Variants in SV2B observed in about 807,000 individuals in gnomAD.
The protein encoded by SV2B is synaptic vesicle glycoprotein 2B, also known as solute carrier family 22 member B2.
In SV2B, 41 loss-of-function variants were observed where a neutral mutation model predicts 73.9. That is an observed-to-expected ratio of 0.56 (90% CI 0.43 to 0.72). The LOEUF (loss-of-function observed/expected upper bound fraction) is 0.72, where lower values mean the gene tolerates loss of function less well. SV2B is among the 30% of genes least tolerant of loss of function. SV2B has a pLI of 0.00. For synonymous variants in SV2B, 314 were observed against 314.2 expected, an observed-to-expected ratio of 1.00 and a Z score of 0.01; for missense variants, 764 against 857.8, an observed-to-expected ratio of 0.89 and a Z score of 1.37.
In SV2B at chr15:91,197,916, C is replaced by G. The variant is rs2045309613; in HGVS notation, c.-391-27957C>G. Reference sequence around the variant, plus strand: ...AGGCATGGTGGGGGACCCGTGTAATCCCAGCTACTTGGCAGGCTGAAGCAG... The same window carrying G: ...AGGCATGGTGGGGGACCCGTGTAATGCCAGCTACTTGGCAGGCTGAAGCAG... On this transcript the variant is annotated intron_variant, in intron 1 of 12. Transcript: ENST00000394232. This position sits in a 1 kb window ranked among gnomAD's most constrained non-coding sequence, Gnocchi z 4.9. 6.6e-6 allele frequency among the ~76,000 whole-genome samples: 1 copy of G among 152,056 alleles called. No individual in the cohort carries two copies. The highest frequency in any genetic ancestry group is 1.5e-5 in the Non-Finnish European group (1 of 68,014).
At chr15:91,260,661 A>G (rs8040924) in intron 6 of SV2B, among the ~76,000 whole-genome samples, 10,730 of 152,136 alleles carry the variant, frequency 0.071, 685 homozygotes, top group African/African-American at 0.17. Context: ...AGCACTTTGG[A>G]AGGCTGTATT....
chr15:91,255,629 TAAA>T (rs2047660827), intron 4 of SV2B, among the ~76,000 whole-genome samples: 2 of 152,110 alleles, frequency 1.3e-5, no homozygotes, highest in Admixed American at 1.3e-4. Context: ...AATAAAAAAT[TAAA>T]AAAATTATTT....
chr15:91,201,579 C>T (rs2045462066), intron 1 of SV2B, among the ~76,000 whole-genome samples: 2 of 152,200 alleles, frequency 1.3e-5, no homozygotes, highest in East Asian at 3.9e-4. Context: ...TTCCATGACT[C>T]CCTATCTCCT....
At chr15:91,266,982 T>C (rs575828214) in intron 7 of SV2B, 5 of 258,498 alleles carry the variant, frequency 1.9e-5, no homozygotes, top group Non-Finnish European at 1.4e-5. Flanking sequence ...CATTATTCTC[T>C]CTAGCAAATT....
intron 9 of SV2B, among the ~76,000 whole-genome samples, chr15:91,278,678 CAAA>C (rs746732650): frequency 7.1e-5 from 3 of 42,442 alleles, no homozygotes; most frequent in Non-Finnish European, 8.6e-5. Flanking sequence ...GACTCCGTCT[CAAA>C]AAAAAAAAAA....
chr15:91,190,596 CT>C (rs886738555), intron 1 of SV2B, among the ~76,000 whole-genome samples: 1 of 152,102 alleles, frequency 6.6e-6, no homozygotes, highest in Non-Finnish European at 1.5e-5. Flanking sequence ...TTTGTTTCTT[CT>C]TTCTGCCAAA....
At chr15:91,116,197 G>A (rs1479382907) in intron 1 of SV2B, among the ~76,000 whole-genome samples, 2 of 152,122 alleles carry the variant, frequency 1.3e-5, no homozygotes, top group Non-Finnish European at 2.9e-5. Flanking sequence ...GGAAGTTGAA[G>A]AGTAAAAAAT....
At chr15:91,159,909 C>T (rs1032378509) in intron 1 of SV2B, among the ~76,000 whole-genome samples, 3 of 151,872 alleles carry the variant, frequency 2.0e-5, no homozygotes, top group East Asian at 1.9e-4. Flanking sequence ...AAGATGAATA[C>T]ACAAAAATAA....
Position 91,252,542 on chromosome 15 carries a change from C to A in SV2B, c.784+22C>A. ...TATGGTGAGTCATGGCTCCAAACAG[C>A]CTAGGGGGCCCTGTTTCTATGGCTC... is the stretch of plus-strand genomic sequence containing the variant. On this transcript the variant is annotated intron_variant, in intron 4 of 12. Transcript: ENST00000394232. The surrounding 1 kb of genome is among the most constrained non-coding windows in gnomAD (Gnocchi z 4.6). The A allele has an allele frequency of 6.4e-7, 1 of 1,562,540 alleles. No homozygotes were observed. The highest frequency in any genetic ancestry group is 8.7e-7 in the Non-Finnish European group (1 of 1,153,730).
Position 91,252,227 on chromosome 15 carries a change from G to T in SV2B, c.633-142G>T. 8.1e-7 allele frequency: 1 copy of T among 1,229,834 alleles called. No homozygotes were observed. The highest frequency in any genetic ancestry group is 1.5e-5 in the South Asian group (1 of 66,894). The allele number at this position is 1,229,834 out of a possible 1,614,324, so 76.2% of individuals were successfully genotyped here. A position where few individuals can be genotyped will look rare whatever the true frequency, so the allele number is the denominator to read the frequency against. ...TCCAAGACTGCTTCCCACATGTAGA[G>T]AGGAACTAACTGGCCGGTCTCTCAA... is the stretch of plus-strand genomic sequence containing the variant. On this transcript the variant is annotated intron_variant, in intron 3 of 12. Transcript: ENST00000394232. This position sits in a 1 kb window ranked among gnomAD's most constrained non-coding sequence, Gnocchi z 4.6.
intron 2 of SV2B, among the ~76,000 whole-genome samples, chr15:91,237,769 A>G (rs1401403989): frequency 1.3e-5 from 2 of 152,190 alleles, no homozygotes; most frequent in Non-Finnish European, 2.9e-5. Flanking sequence ...CGATCCCCAC[A>G]TGGCTTCCTT....
At chr15:91,212,787 C>G (rs1256414007) in intron 1 of SV2B, among the ~76,000 whole-genome samples, 1 of 150,490 alleles carries the variant, frequency 6.6e-6, no homozygotes, top group African/African-American at 2.4e-5. Flanking sequence ...GACCCTGTCT[C>G]TATAAAAAAA....
chr15:91,147,882 G>A (rs566159321), intron 1 of SV2B, among the ~76,000 whole-genome samples: 1 of 149,376 alleles, frequency 6.7e-6, no homozygotes, highest in South Asian at 2.1e-4. Context: ...GAAACTCCAG[G>A]TATCATTGCA....
rs988423763 is a variant in SV2B, at chr15:91,239,408, A to G, written c.452-12411A>G. 6.6e-6 allele frequency among the ~76,000 whole-genome samples: 1 copy of G among 152,114 alleles called. No homozygotes were observed. The highest frequency in any genetic ancestry group is 2.4e-5 in the African/African-American group (1 of 41,428). ...GACATGGTAACAGATTATAAGGTATAAGGCATGAATTACAAAGTTATAGTA... is the reference window on the plus strand; with the variant it reads ...GACATGGTAACAGATTATAAGGTATGAGGCATGAATTACAAAGTTATAGTA... On this transcript the variant is annotated intron_variant, in intron 2 of 12. Coordinates refer to ENST00000394232, the MANE Select transcript of SV2B (RefSeq NM_001323032.3). The surrounding 1 kb of genome is among the most constrained non-coding windows in gnomAD (Gnocchi z 5.1).
In SV2B at chr15:91,131,503, CA is replaced by C. The variant is rs2042648922; in HGVS notation, c.-392+31144del. Among the ~76,000 whole-genome samples, 3 of 151,816 alleles carry C rather than the reference CA, an allele frequency of 2.0e-5. No individual in the cohort carries two copies. In the South Asian group the frequency reaches 6.2e-4, roughly 32 times the overall value. On this transcript the variant is annotated intron_variant, in intron 1 of 12. Transcript: ENST00000394232. The stretch of plus-strand genomic sequence containing the variant: ...AGTGTTTGGCAGCCTAAGTAATGGG[CA>C]AAAGAAAGTGGGTTTGCACATTGGG...
chr15:91,199,596 G>A (rs778495810), intron 1 of SV2B, among the ~76,000 whole-genome samples: 51 of 152,194 alleles, frequency 3.4e-4, no homozygotes, highest in Admixed American at 1.8e-3. Flanking sequence ...CCCAGTTGTG[G>A]GCAGTGGTGC....
chr15:91,240,303 T>C lies in SV2B; in HGVS notation c.452-11516T>C, dbSNP rs945488846. ...CTATTAGTACCTGCCTACAGAAGCA[T>C]TGTGAGGATTAAATAAGATAAAGCC... is the stretch of plus-strand genomic sequence containing the variant. On this transcript the variant is annotated intron_variant, in intron 2 of 12. Coordinates refer to ENST00000394232, the MANE Select transcript of SV2B (RefSeq NM_001323032.3). The surrounding 1 kb of genome is among the most constrained non-coding windows in gnomAD (Gnocchi z 4.6). Among the ~76,000 whole-genome samples the C allele has an allele frequency of 6.6e-6, 1 of 152,206 alleles. No individual in the cohort carries two copies. Among genetic ancestry groups the C allele is most frequent in the Non-Finnish European group, 1.5e-5 (1 of 68,026 alleles).
At chr15:91,111,962 C>T (rs1270153391) in intron 1 of SV2B, among the ~76,000 whole-genome samples, 4 of 152,070 alleles carry the variant, frequency 2.6e-5, no homozygotes, top group Non-Finnish European at 5.9e-5. Flanking sequence ...GGTGCCAAAC[C>T]ATTCATGAGA....
chr15:91,117,880 T>A (rs1439048926), intron 1 of SV2B, among the ~76,000 whole-genome samples: 8 of 152,208 alleles, frequency 5.3e-5, no homozygotes, highest in Admixed American at 4.6e-4. Context: ...TGTAACAAGA[T>A]GTTGAGTGGG....
Sources: allele counts gnomAD v4.1 joint callset (sites outside exome capture counted in the v4.1 genomes callset), GRCh38; gene constraint gnomAD v4.1.1; non-coding constraint Gnocchi (gnomAD v3.1); transcripts MANE v1.5; gene names NCBI Gene and HGNC (gene_info 2026-07-23, HGNC 2026-07-21).